The following MRPL48 variants were observed in gnomAD, a reference collection of about 807,000 sequenced individuals.
MRPL48 encodes the protein large ribosomal subunit protein mL48.
Under a neutral mutation model 32.9 loss-of-function variants are expected in MRPL48, and 16 were observed. The ratio of observed to expected loss-of-function variants is 0.49; its 90% CI spans 0.33 to 0.74. The LOEUF (loss-of-function observed/expected upper bound fraction) is 0.74, where lower values mean the gene tolerates loss of function less well. Among genes scored for constraint, MRPL48 ranks in the 30% least tolerant of loss-of-function variants. The pLI, the probability that MRPL48 is intolerant of heterozygous loss-of-function variation, is 0.02. For synonymous variants in MRPL48, 94 were observed against 89.2 expected (o/e 1.05, Z -0.31); for missense variants, 206 against 245.3 (o/e 0.84, Z 1.07).
chr11:73,819,300 G>T (rs1947731835), intron 3 of MRPL48, among the ~76,000 whole-genome samples: 1 of 152,162 alleles, frequency 6.6e-6, no homozygotes, highest in Non-Finnish European at 1.5e-5. Flanking sequence ...GTAGATAAGA[G>T]GCTGAGGCAA....
rs115165439 is a variant in MRPL48 at position 73,824,603 on chromosome 11, A to T, written c.113-1105A>T. On this transcript the variant is annotated intron_variant, in intron 3 of 7. Transcript: ENST00000310614. ...CTATCTCAAAAAAAAAAACAAAAAA[A>T]CTTTATGGAATTCTATGCTCTTCCT... is the stretch of plus-strand genomic sequence containing the variant. Among the ~76,000 whole-genome samples the T allele has an allele frequency of 4.9e-3, 740 of 151,992 alleles. 7 individuals are homozygous for T. The highest frequency in any genetic ancestry group is 0.016 in the African/African-American group (675 of 41,486).
chr11:73,861,465 G>A (rs900269054), intron 6 of MRPL48, among the ~76,000 whole-genome samples: 2 of 152,182 alleles, frequency 1.3e-5, no homozygotes, highest in African/African-American at 4.8e-5. Flanking sequence ...CGCCTCCTGT[G>A]TTCAAGCGGG....
intron 4 of MRPL48, among the ~76,000 whole-genome samples, chr11:73,840,111 A>AAC (rs1554971447): frequency 4.0e-5 from 6 of 151,836 alleles, no homozygotes; most frequent in African/African-American, 9.7e-5. Context: ...AAAAAAAAAA[A>AAC]AACTCAGTTT....
chr11:73,789,892 A>G lies in MRPL48; in HGVS notation c.21+1900A>G, dbSNP rs1296537714. 4.0e-5 allele frequency among the ~76,000 whole-genome samples: 6 copies of G among 151,892 alleles called. No homozygotes were observed. The East Asian group carries it at 1.2e-3, about 29-fold the overall frequency. ...CTGATGGCTTGAATGAATGACTGGA[A>G]CCTAGGCTTTGTTTTTGTTTAGAGA... On this transcript the variant is annotated intron_variant, in intron 1 of 7. Coordinates refer to ENST00000310614, the MANE Select transcript of MRPL48 (RefSeq NM_016055.6).
chr11:73,800,810 CTTTTTTTT>C (rs1223951183), intron 1 of MRPL48, among the ~76,000 whole-genome samples: 7 of 132,882 alleles, frequency 5.3e-5, no homozygotes, highest in Non-Finnish European at 8.1e-5. Context: ...TTTTCTTTTT[CTTTTTTTT>C]TTTTTTTTTT....
chr11:73,820,299 A>C (rs1324336785), intron 3 of MRPL48, among the ~76,000 whole-genome samples: 3 of 152,118 alleles, frequency 2.0e-5, no homozygotes, highest in African/African-American at 7.2e-5. Flanking sequence ...ATCTCTGCTC[A>C]CTGCAAACTC....
intron 6 of MRPL48, among the ~76,000 whole-genome samples, chr11:73,861,701 A>G (rs1012092972): frequency 6.6e-6 from 1 of 152,164 alleles, no homozygotes; most frequent in East Asian, 1.9e-4. Flanking sequence ...TAACACTGTT[A>G]TGCCCCTATA....
chr11:73,849,612 C>T (rs1379198261), intron 5 of MRPL48, among the ~76,000 whole-genome samples: 3 of 152,122 alleles, frequency 2.0e-5, no homozygotes, highest in Non-Finnish European at 2.9e-5. Flanking sequence ...TGCTGAGTAG[C>T]GTTTCATTGA....
intron 6 of MRPL48, among the ~76,000 whole-genome samples, chr11:73,861,364 T>TTTTG (rs930205957): frequency 3.3e-5 from 5 of 151,946 alleles, no homozygotes; most frequent in Admixed American, 1.3e-4. Flanking sequence ...GTTTGTTTTT[T>TTTTG]TTTGTTTGTT....
chr11:73,793,858 GTTT>G (rs1293232778), intron 1 of MRPL48, among the ~76,000 whole-genome samples: 1 of 113,882 alleles, frequency 8.8e-6, no homozygotes. Flanking sequence ...CTTGTTTCGT[GTTT>G]TTTTTTTTTT....
intron 3 of MRPL48, among the ~76,000 whole-genome samples, chr11:73,823,660 T>TTG (rs1286906105): frequency 6.7e-6 from 1 of 149,354 alleles, no homozygotes; most frequent in Admixed American, 6.7e-5. Context: ...TTCTGTTTTT[T>TTG]TTTTTTTTTT....
At chr11:73,814,072 C>T (rs1947615862) in intron 3 of MRPL48, among the ~76,000 whole-genome samples, 1 of 150,984 alleles carries the variant, frequency 6.6e-6, no homozygotes. Context: ...CTTCATATTA[C>T]CTTCTGATAA....
chr11:73,820,147 T>C (rs1947750331), intron 3 of MRPL48, among the ~76,000 whole-genome samples: 1 of 152,182 alleles, frequency 6.6e-6, no homozygotes, highest in African/African-American at 2.4e-5. Flanking sequence ...ACATATACTT[T>C]CCCTGCTTAT....
intron 5 of MRPL48, among the ~76,000 whole-genome samples, chr11:73,857,175 A>G (rs1465389357): frequency 2.0e-5 from 3 of 151,816 alleles, no homozygotes; most frequent in Admixed American, 6.6e-5. Context: ...CTGTCGCCCA[A>G]GCTGGAGTGA....
intron 5 of MRPL48, among the ~76,000 whole-genome samples, chr11:73,855,513 A>T (rs1948469165): frequency 6.6e-6 from 1 of 152,030 alleles, no homozygotes; most frequent in Non-Finnish European, 1.5e-5. Flanking sequence ...TTTGAGATGG[A>T]GTCTCACTCC....
At chr11:73,838,365 TA>T (rs1948138377) in intron 4 of MRPL48, among the ~76,000 whole-genome samples, 1 of 152,218 alleles carries the variant, frequency 6.6e-6, no homozygotes, top group Non-Finnish European at 1.5e-5. Context: ...GGGATCTTGA[TA>T]ATGTGAATTG....
At chr11:73,807,265 C>A (rs1947469970) in intron 2 of MRPL48, among the ~76,000 whole-genome samples, 1 of 152,144 alleles carries the variant, frequency 6.6e-6, no homozygotes, top group South Asian at 2.1e-4. Flanking sequence ...TGTGTGACAG[C>A]CACAGGATAT....
chr11:73,847,472 G>C (rs1948315161), intron 5 of MRPL48, among the ~76,000 whole-genome samples: 1 of 146,502 alleles, frequency 6.8e-6, no homozygotes, highest in African/African-American at 2.5e-5. Flanking sequence ...ACGGAGTCTT[G>C]CTCTGTCACC....
At chr11:73,863,385 A>G (rs926836092) in intron 7 of MRPL48, 124 bp downstream of exon 7, 12 of 818,826 alleles carry the variant, frequency 1.5e-5, no homozygotes, top group Admixed American at 2.7e-5. Flanking sequence ...CTAAATAATA[A>G]TCAGAAAAGT....
Sources: gnomAD v4.1 joint callset for allele counts (sites outside exome capture counted in the v4.1 genomes callset) on GRCh38, gnomAD v4.1.1 for gene constraint, MANE v1.5 for transcripts, NCBI Gene and HGNC (gene_info 2026-07-23, HGNC 2026-07-21) for gene names.